Variants in CNTNAP3B observed in about 807,000 individuals in gnomAD.
The protein encoded by CNTNAP3B is contactin associated protein family member 3B, also known as contactin-associated protein-like 3B.
CNTNAP3B carries 25 observed loss-of-function variants against 108.9 expected under a neutral mutation model. The observed-to-expected ratio is 0.23, with a 90% CI of 0.17 to 0.32. The LOEUF (loss-of-function observed/expected upper bound fraction) is 0.32. Ranked by LOEUF, CNTNAP3B falls within the 10% of genes least tolerant of loss-of-function variation. The pLI is 1.00. For missense variants in CNTNAP3B, 252 were observed against 1,210.4 expected (o/e 0.21, Z 11.75); for synonymous variants, 103 against 473.4 (o/e 0.22, Z 10.16).
In CNTNAP3B at chr9:42,129,376, A is replaced by T. The variant is rs1257565445; in HGVS notation, c.-282T>A. ...CCCCAGGCACGGAGGCGGCAGGTTC[A>T]GGCGCGTCCCGGACACTAGGCGCGG... On this transcript the variant is annotated 5_prime_UTR_variant, in exon 1 of 24. Coordinates refer to ENST00000377561, the MANE Select transcript of CNTNAP3B (RefSeq NM_001201380.3). 1 of 335,788 alleles carries T rather than the reference A, an allele frequency of 3.0e-6. No homozygotes were observed. Among genetic ancestry groups the T allele is most frequent in the Non-Finnish European group, 4.7e-6 (1 of 212,530 alleles). 20.8% of individuals were successfully genotyped at this position (335,788 alleles called of 1,614,324 possible). A position where few individuals can be genotyped will look rare whatever the true frequency, so the allele number is the denominator to read the frequency against.
chr9:41,922,174 A>C (rs1823687128), intron 17 of CNTNAP3B, among the ~76,000 whole-genome samples: 1 of 133,432 alleles, frequency 7.5e-6, no homozygotes, highest in Non-Finnish European at 1.6e-5. Flanking sequence ...ATACCTAAAC[A>C]CTGAGATACT....
intron 10 of CNTNAP3B, among the ~76,000 whole-genome samples, chr9:41,969,740 C>A (rs532755845): frequency 1.4e-5 from 2 of 145,292 alleles, no homozygotes; most frequent in South Asian, 2.2e-4. Flanking sequence ...GCCTCAGCCT[C>A]CCCAGTAGCT....
intron 12 of CNTNAP3B, among the ~76,000 whole-genome samples, chr9:41,959,836 C>G (rs906247110): frequency 6.6e-6 from 1 of 152,300 alleles, no homozygotes; most frequent in Admixed American, 6.5e-5. Flanking sequence ...ACTTTTGAAA[C>G]CTTTTGTCAG....
At chr9:41,950,778 C>T (rs1367765429) in intron 13 of CNTNAP3B, among the ~76,000 whole-genome samples, 3 of 88,614 alleles carry the variant, frequency 3.4e-5, no homozygotes, top group East Asian at 3.7e-4. Context: ...TTTTTTGAGA[C>T]GGAACGGAGT....
At chr9:42,024,540 TA>T (rs1399296096) in intron 3 of CNTNAP3B, among the ~76,000 whole-genome samples, 1 of 99,698 alleles carries the variant, frequency 1.0e-5, no homozygotes, top group Non-Finnish European at 2.0e-5. Flanking sequence ...ATGTTTCTTT[TA>T]CAAAAGATCT....
At chr9:41,967,767 C>G (rs1380741957) in intron 10 of CNTNAP3B, among the ~76,000 whole-genome samples, 8 of 152,280 alleles carry the variant, frequency 5.3e-5, no homozygotes, top group African/African-American at 1.9e-4. Context: ...CTCAGAGGAG[C>G]TAGTCTTCTA....
intron 1 of CNTNAP3B, among the ~76,000 whole-genome samples, chr9:42,127,265 C>A (rs2118763483): frequency 7.2e-6 from 1 of 138,976 alleles, no homozygotes; most frequent in Middle Eastern, 3.5e-3. Context: ...TCCCTGCCCT[C>A]CCCTCCTCCA....
chr9:41,955,956 A>G (rs1453752057), intron 12 of CNTNAP3B, among the ~76,000 whole-genome samples: 2 of 152,222 alleles, frequency 1.3e-5, no homozygotes, highest in Non-Finnish European at 2.9e-5. Context: ...AACCAGCCTA[A>G]CTTAAATGTG....
intron 3 of CNTNAP3B, among the ~76,000 whole-genome samples, chr9:42,051,865 C>T (rs571944691): frequency 0.023 from 3,465 of 151,492 alleles, 2 homozygotes; most frequent in African/African-American, 0.079. Flanking sequence ...ATTTATTTTT[C>T]CTTTCAGTCA....
chr9:41,951,943 G>A (rs530737312), intron 13 of CNTNAP3B, among the ~76,000 whole-genome samples: 5 of 151,982 alleles, frequency 3.3e-5, no homozygotes, highest in South Asian at 2.1e-4. Context: ...CGGGCGTGGC[G>A]GCACCCGCCT....
chr9:41,924,358 A>G (rs1346155381), intron 15 of CNTNAP3B, among the ~76,000 whole-genome samples: 19 of 152,200 alleles, frequency 1.2e-4, no homozygotes, highest in Admixed American at 3.9e-4. Flanking sequence ...ATCGCGCAGC[A>G]ACACAGTAGG....
chr9:42,076,760 T>G, intron 3 of CNTNAP3B, 109 bp downstream of exon 3: 1 of 656,018 alleles, frequency 1.5e-6, no homozygotes, highest in East Asian at 2.9e-5. Context: ...TTCAATGAAA[T>G]AGGTATCTTA....
chr9:41,942,361 A>G (rs1452877679), intron 13 of CNTNAP3B, among the ~76,000 whole-genome samples: 1 of 152,292 alleles, frequency 6.6e-6, no homozygotes, highest in Non-Finnish European at 1.5e-5. Flanking sequence ...CTGTAATCCC[A>G]GCATTTTGGG....
At chr9:41,997,897 CCT>C (rs963984727) in intron 5 of CNTNAP3B, 145 bp from the exon 6 acceptor site, 6 of 776,182 alleles carry the variant, frequency 7.7e-6, no homozygotes, top group Non-Finnish European at 1.2e-5. Flanking sequence ...ATAACCTTAC[CCT>C]GTTTTTATTT....
chr9:41,953,596 CT>C (rs111808620), intron 12 of CNTNAP3B, among the ~76,000 whole-genome samples: 8 of 150,542 alleles, frequency 5.3e-5, no homozygotes, highest in African/African-American at 2.0e-4. Flanking sequence ...GATGACCAAA[CT>C]TTTGCGACGT....
At chr9:41,928,028 G>A (rs1823867820) in intron 15 of CNTNAP3B, among the ~76,000 whole-genome samples, 1 of 151,760 alleles carries the variant, frequency 6.6e-6, no homozygotes, top group South Asian at 2.1e-4. Flanking sequence ...GTCAAAATAA[G>A]CATATTTCAT....
At chr9:41,920,856 C>A (rs1245670493) in intron 17 of CNTNAP3B, among the ~76,000 whole-genome samples, 4 of 152,298 alleles carry the variant, frequency 2.6e-5, no homozygotes, top group Admixed American at 1.3e-4. Flanking sequence ...AGGGGTGACA[C>A]CATACCCCAG....
chr9:41,951,731 T>C (rs1468124895), intron 13 of CNTNAP3B, among the ~76,000 whole-genome samples: 2 of 151,686 alleles, frequency 1.3e-5, no homozygotes, highest in Non-Finnish European at 2.9e-5. Context: ...GGGATCACCC[T>C]GGGAAGGGAC....
At chr9:41,919,914 C>T (rs1823622480) in intron 18 of CNTNAP3B, among the ~76,000 whole-genome samples, 156 bp downstream of exon 18, 1 of 151,630 alleles carries the variant, frequency 6.6e-6, no homozygotes, top group Admixed American at 6.6e-5. Context: ...CAGTCATATC[C>T]CTTCTAAATT....
Sources: gnomAD v4.1 joint callset for allele counts (sites outside exome capture counted in the v4.1 genomes callset) on GRCh38, gnomAD v4.1.1 for gene constraint, MANE v1.5 for transcripts, NCBI Gene and HGNC (gene_info 2026-07-23, HGNC 2026-07-21) for gene names.